Variants in SORCS2 observed in about 807,000 individuals in gnomAD.
SORCS2 encodes VPS10 domain-containing receptor SorCS2.
Under a neutral mutation model 141.6 loss-of-function variants are expected in SORCS2, and 100 were observed. The observed-to-expected ratio is 0.71, with a 90% CI of 0.60 to 0.83. The LOEUF (loss-of-function observed/expected upper bound fraction) is 0.83, where lower values mean the gene tolerates loss of function less well. Ranked by LOEUF, SORCS2 falls within the 40% of genes least tolerant of loss-of-function variation. The pLI is 0.00. For missense variants in SORCS2, 1,646 were observed against 1,560.2 expected (o/e 1.05, Z -0.93); for synonymous variants, 789 against 676.9 (o/e 1.17, Z -2.57).
At chr4:7,734,840 G>C (rs1265494142) in intron 25 of SORCS2, among the ~76,000 whole-genome samples, 2 of 152,204 alleles carry the variant, frequency 1.3e-5, no homozygotes, top group East Asian at 1.9e-4. Context: ...GAGAGCACTT[G>C]AGAGCTGCTG....
intron 3 of SORCS2, among the ~76,000 whole-genome samples, chr4:7,545,791 A>T (rs1251000343): frequency 6.6e-6 from 1 of 152,220 alleles, no homozygotes; most frequent in Non-Finnish European, 1.5e-5. Flanking sequence ...CTTCAGGGAA[A>T]ACCAGAGTGC....
intron 2 of SORCS2, among the ~76,000 whole-genome samples, chr4:7,456,453 T>C (rs947070063): frequency 7.2e-5 from 11 of 151,994 alleles, no homozygotes; most frequent in African/African-American, 2.4e-4. Context: ...TTCCTCTGTT[T>C]CCCACCCATA....
chr4:7,655,814 T>C (rs1007801618), intron 5 of SORCS2, among the ~76,000 whole-genome samples: 1 of 152,170 alleles, frequency 6.6e-6, no homozygotes, highest in Non-Finnish European at 1.5e-5. Context: ...TCTGGGGGAT[T>C]GGTAGAGCTC....
chr4:7,514,274 C>T (rs1732841610), intron 2 of SORCS2, among the ~76,000 whole-genome samples: 1 of 152,126 alleles, frequency 6.6e-6, no homozygotes, highest in African/African-American at 2.4e-5. Flanking sequence ...GTGGTTCAGG[C>T]ACCCTTGGGT....
At chr4:7,640,576 C>G (rs1206649883) in intron 4 of SORCS2, among the ~76,000 whole-genome samples, 1 of 149,922 alleles carries the variant, frequency 6.7e-6, no homozygotes, top group Non-Finnish European at 1.5e-5. Context: ...TCTGTAAGGA[C>G]TCGGGCCTTC....
intron 1 of SORCS2, among the ~76,000 whole-genome samples, chr4:7,199,084 C>T (rs1560106348): frequency 6.6e-6 from 1 of 152,136 alleles, no homozygotes; most frequent in Non-Finnish European, 1.5e-5. Context: ...AAGTCCCCAT[C>T]CTTCTGATTC....
Position 7,233,097 on chromosome 4 carries a change from A to G in SORCS2, c.480+39971A>G, listed in dbSNP as rs1051537836. ...GGCTTCGGCACCCGCATGTTCAACTACTGCCTTCCTGATGGAGGAGGCTGG... is the reference window on the plus strand; with the variant it reads ...GGCTTCGGCACCCGCATGTTCAACTGCTGCCTTCCTGATGGAGGAGGCTGG... On this transcript the variant is annotated intron_variant, in intron 1 of 26. Coordinates refer to ENST00000507866, the MANE Select transcript of SORCS2 (RefSeq NM_020777.3). The surrounding 1 kb of genome is among the most constrained non-coding windows in gnomAD (Gnocchi z 4.5). Among the ~76,000 whole-genome samples the G allele has an allele frequency of 5.3e-5, 8 of 152,106 alleles. No homozygotes were observed. The highest frequency in any genetic ancestry group is 1.9e-4 in the African/African-American group (8 of 41,414).
chr4:7,223,474 A>G (rs1254610724), intron 1 of SORCS2, among the ~76,000 whole-genome samples: 1 of 152,206 alleles, frequency 6.6e-6, no homozygotes, highest in East Asian at 1.9e-4. Flanking sequence ...TAATTTTTAC[A>G]TTATAAATAA....
chr4:7,310,169 C>T lies in SORCS2; in HGVS notation c.481-86119C>T, dbSNP rs1718094994. Among the ~76,000 whole-genome samples the T allele has an allele frequency of 2.0e-5, 3 of 152,314 alleles. No homozygotes were observed. The South Asian group carries it at 6.2e-4, about 32-fold the overall frequency. On this transcript the variant is annotated intron_variant, in intron 1 of 26. Transcript: ENST00000507866. ...GCTTGTGCGTGGAGAGCTGACGGCTCTGGAGTCCTGCCCTGGCTGGGCCTC... is the reference window on the plus strand; with the variant it reads ...GCTTGTGCGTGGAGAGCTGACGGCTTTGGAGTCCTGCCCTGGCTGGGCCTC...
intron 3 of SORCS2, among the ~76,000 whole-genome samples, chr4:7,549,127 A>G (rs1446004740): frequency 6.6e-6 from 1 of 152,156 alleles, no homozygotes; most frequent in Non-Finnish European, 1.5e-5. Flanking sequence ...GGGGAATGAG[A>G]GCAGCTTGTG....
intron 2 of SORCS2, among the ~76,000 whole-genome samples, chr4:7,415,421 G>A (rs186290579): frequency 2.0e-5 from 3 of 152,274 alleles, no homozygotes; most frequent in South Asian, 2.1e-4. Flanking sequence ...AGCCAGCAGC[G>A]TCACCTCCCT....
intron 9 of SORCS2, among the ~76,000 whole-genome samples, chr4:7,681,466 C>T (rs899946094): frequency 3.9e-5 from 6 of 152,198 alleles, no homozygotes; most frequent in Non-Finnish European, 5.9e-5. Flanking sequence ...CAAGGAATGC[C>T]GGTGCCTCTA....
At chr4:7,452,330 CAG>C (rs1342734920) in intron 2 of SORCS2, among the ~76,000 whole-genome samples, 1 of 152,106 alleles carries the variant, frequency 6.6e-6, no homozygotes, top group Non-Finnish European at 1.5e-5. Context: ...TTAGTAGAGA[CAG>C]AGTTTCACCA....
rs146643088 is a variant in SORCS2 at position 7,619,845 on chromosome 4, G to A, written c.649-18483G>A. On this transcript the variant is annotated intron_variant, in intron 3 of 26. Transcript: ENST00000507866. ...CACACGCATGTACACGTCTGTGCAC[G>A]TGTTCATGCGTGTGTGACGTGAAAC... 7.5e-3 allele frequency among the ~76,000 whole-genome samples: 1,135 copies of A among 152,268 alleles called. 6 individuals are homozygous for A. Among genetic ancestry groups the A allele is most frequent in the Non-Finnish European group, 0.012 (794 of 68,012 alleles).
At chr4:7,515,156 C>T (rs1365133558) in intron 2 of SORCS2, among the ~76,000 whole-genome samples, 1 of 152,202 alleles carries the variant, frequency 6.6e-6, no homozygotes, top group Non-Finnish European at 1.5e-5. Context: ...CTGGAGATAA[C>T]TCTGAGTGGG....
At chr4:7,695,600 GTGGA>G (rs1560490208) in intron 11 of SORCS2, among the ~76,000 whole-genome samples, 7 of 5,704 alleles carry the variant, frequency 1.2e-3, no homozygotes, top group Admixed American at 2.5e-3. Context: ...GGGTGGGTGG[GTGGA>G]TGGATGGATG....
At chr4:7,304,131 C>T (rs143286070) in intron 1 of SORCS2, among the ~76,000 whole-genome samples, 381 of 152,362 alleles carry the variant, frequency 2.5e-3, no homozygotes, top group African/African-American at 4.5e-3. Context: ...GTGGTCCCCA[C>T]GCTGGAGATA....
At chr4:7,375,894 C>T (rs941980217) in intron 1 of SORCS2, among the ~76,000 whole-genome samples, 21 of 152,128 alleles carry the variant, frequency 1.4e-4, no homozygotes, top group East Asian at 3.9e-4. Flanking sequence ...GCTTGTTATT[C>T]GTGCGCAGGT....
At chr4:7,228,008 G>A (rs1169605288) in intron 1 of SORCS2, among the ~76,000 whole-genome samples, 1 of 152,162 alleles carries the variant, frequency 6.6e-6, no homozygotes, top group Non-Finnish European at 1.5e-5. Context: ...GGAGCTCATG[G>A]GTGGCATTTC....
Sources: gnomAD v4.1 joint callset for allele counts (sites outside exome capture counted in the v4.1 genomes callset) on GRCh38, gnomAD v4.1.1 for gene constraint, Gnocchi (gnomAD v3.1) non-coding constraint, MANE v1.5 for transcripts, NCBI Gene and HGNC (gene_info 2026-07-23, HGNC 2026-07-21) for gene names.